Variants in PDS5B observed in about 807,000 individuals in gnomAD.
PDS5B encodes sister chromatid cohesion protein PDS5 homolog B.
In PDS5B, 51 loss-of-function variants were observed where a neutral mutation model predicts 184.1. The ratio of observed to expected loss-of-function variants is 0.28; its 90% confidence interval spans 0.22 to 0.35. The LOEUF is 0.35. PDS5B is among the 10% of genes least tolerant of loss of function. The pLI, the probability that PDS5B is intolerant of heterozygous loss-of-function variation, is 1.00. For missense variants in PDS5B, 1,180 were observed against 1,723.3 expected, an observed-to-expected ratio of 0.68 and a Z score of 5.58; for synonymous variants, 566 against 569.2, an observed-to-expected ratio of 0.99 and a Z score of 0.08.
chr13:32,701,206 AGTTT>A, intron 16 of PDS5B, 113 bp from the exon 17 acceptor site: 2 of 567,844 alleles, frequency 3.5e-6, no homozygotes, highest in Middle Eastern at 4.7e-4. Flanking sequence ...CAATTCTTAC[AGTTT>A]GTTTATTCCA....
intron 1 of PDS5B, among the ~76,000 whole-genome samples, chr13:32,629,553 G>C (rs2058423888): frequency 6.6e-6 from 1 of 152,158 alleles, no homozygotes; most frequent in Non-Finnish European, 1.5e-5. Flanking sequence ...TGACCCATTA[G>C]GTTTCAGCGA....
intron 20 of PDS5B, 21 bp downstream of exon 20, chr13:32,732,245 T>G (rs780732845): frequency 6.4e-7 from 1 of 1,565,426 alleles, no homozygotes; most frequent in Non-Finnish European, 8.8e-7. Flanking sequence ...AAAAATTTTC[T>G]TGTTTATTTC....
chr13:32,665,498 A>G (rs949585648), intron 6 of PDS5B, among the ~76,000 whole-genome samples: 20 of 143,098 alleles, frequency 1.4e-4, no homozygotes, highest in African/African-American at 5.0e-4. Flanking sequence ...CTGAGGCAGG[A>G]GAATGGTGTG....
At chr13:32,662,965 A>G (rs1267463233) in intron 6 of PDS5B, among the ~76,000 whole-genome samples, 2 of 152,170 alleles carry the variant, frequency 1.3e-5, no homozygotes, top group Non-Finnish European at 2.9e-5. Flanking sequence ...TTATGCTAAC[A>G]TATTTGAAAT....
intron 24 of PDS5B, among the ~76,000 whole-genome samples, chr13:32,749,231 T>A (rs1018998164): frequency 6.6e-6 from 1 of 152,200 alleles, no homozygotes; most frequent in Admixed American, 6.5e-5. Context: ...TAATTTTCTC[T>A]TTACTCTCCC....
intron 1 of PDS5B, among the ~76,000 whole-genome samples, chr13:32,643,953 C>T (rs1358461040): frequency 6.6e-6 from 1 of 152,060 alleles, no homozygotes; most frequent in East Asian, 1.9e-4. Flanking sequence ...TTGTAGATTC[C>T]TTTGGCATCT....
At chr13:32,629,990 T>C (rs970044769) in intron 1 of PDS5B, among the ~76,000 whole-genome samples, 1 of 152,214 alleles carries the variant, frequency 6.6e-6, no homozygotes, top group African/African-American at 2.4e-5. Flanking sequence ...AGAAAGAAGA[T>C]ACCCAATTGC....
chr13:32,640,642 T>C (rs530723895), intron 1 of PDS5B, among the ~76,000 whole-genome samples: 2 of 152,312 alleles, frequency 1.3e-5, no homozygotes, highest in South Asian at 4.1e-4. Context: ...CTGAATTGTT[T>C]TCTGAAAATG....
At chr13:32,670,068 C>T (rs1950893714) in intron 7 of PDS5B, among the ~76,000 whole-genome samples, 1 of 152,188 alleles carries the variant, frequency 6.6e-6, no homozygotes, top group African/African-American at 2.4e-5. Flanking sequence ...GAGTAAGATA[C>T]TGAGATAATA....
At chr13:32,590,791 A>G (rs1048951375) in intron 1 of PDS5B, among the ~76,000 whole-genome samples, 3 of 152,092 alleles carry the variant, frequency 2.0e-5, no homozygotes, top group African/African-American at 7.2e-5. Context: ...TAGCTTTCAG[A>G]TATGGGATGC....
intron 1 of PDS5B, among the ~76,000 whole-genome samples, chr13:32,643,760 C>CTA (rs1177051588): frequency 6.6e-6 from 1 of 152,110 alleles, no homozygotes; most frequent in African/African-American, 2.4e-5. Flanking sequence ...ATGTAGTAGT[C>CTA]TGTTCCATTT....
chr13:32,639,388 G>A lies in PDS5B; in HGVS notation c.-19-9366G>A, dbSNP rs865840358. Among the ~76,000 whole-genome samples, 5 of 152,088 alleles carry A rather than the reference G, an allele frequency of 3.3e-5. No individual in the cohort carries two copies. In the South Asian group the frequency reaches 6.2e-4, roughly 19 times the overall value. On this transcript the variant is annotated intron_variant, in intron 1 of 34. Coordinates refer to ENST00000315596, the MANE Select transcript of PDS5B (RefSeq NM_015032.4). ...AAAAGAACTTCCTAAAGTATTCACC[G>A]TCACTGTTTTACCAGAACAAATAAG...
Position 32,612,906 on chromosome 13 carries a change from A to G in PDS5B, c.-20+26313A>G, listed in dbSNP as rs962113072. Among the ~76,000 whole-genome samples, 14 of 152,198 alleles carry G rather than the reference A, an allele frequency of 9.2e-5. No homozygotes were observed. In the East Asian group the frequency reaches 1.2e-3, roughly 13 times the overall value. On this transcript the variant is annotated intron_variant, in intron 1 of 34. Transcript: ENST00000315596. ...ACCCAGACTGTGGTATTCTGTTACA[A>G]CAGGACAAAATCGACACCCCTCAAC...
At chr13:32,701,596 GCACA>G (rs34184885) in intron 17 of PDS5B, among the ~76,000 whole-genome samples, 158 bp downstream of exon 17, 58 of 142,146 alleles carry the variant, frequency 4.1e-4, no homozygotes, top group African/African-American at 1.5e-3. Flanking sequence ...ATTTGTATAT[GCACA>G]CACACACACA....
chr13:32,724,566 AGG>A (rs1952833428), intron 19 of PDS5B, among the ~76,000 whole-genome samples: 1 of 151,726 alleles, frequency 6.6e-6, no homozygotes, highest in South Asian at 2.1e-4. Flanking sequence ...ATAATTTGAT[AGG>A]TTCTTCTTTG....
intron 19 of PDS5B, among the ~76,000 whole-genome samples, chr13:32,728,676 C>T (rs571557111): frequency 6.6e-6 from 1 of 152,260 alleles, no homozygotes; most frequent in South Asian, 2.1e-4. Context: ...TTAATACTTC[C>T]ATGCGATAAG....
rs776878109 is a variant in PDS5B at position 32,655,617 on chromosome 13, C to G, written c.313-2622C>G. Among the ~76,000 whole-genome samples the G allele has an allele frequency of 2.0e-5, 3 of 151,596 alleles. No individual in the cohort carries two copies. The South Asian group carries it at 6.3e-4, about 32-fold the overall frequency. Reference sequence around the variant, plus strand: ...TGAACTCCTGACCTTGTGATCTGCCCGCCTTGGCCTCCCAAAGTACTGGGA... The same window carrying G: ...TGAACTCCTGACCTTGTGATCTGCCGGCCTTGGCCTCCCAAAGTACTGGGA... On this transcript the variant is annotated intron_variant, in intron 3 of 34. Coordinates refer to ENST00000315596, the MANE Select transcript of PDS5B (RefSeq NM_015032.4).
intron 19 of PDS5B, among the ~76,000 whole-genome samples, chr13:32,711,818 CATT>C (rs1394629078): frequency 1.3e-5 from 2 of 152,152 alleles, no homozygotes; most frequent in East Asian, 1.9e-4. Context: ...CATACCCACT[CATT>C]ATGTATAAAC....
At chr13:32,588,633 CT>C (rs1332609784) in intron 1 of PDS5B, among the ~76,000 whole-genome samples, 8 of 151,944 alleles carry the variant, frequency 5.3e-5, no homozygotes, top group Non-Finnish European at 1.0e-4. Context: ...TTTTGTTACT[CT>C]TGTAGGCTTT....
Sources: gnomAD v4.1 joint callset for allele counts (sites outside exome capture counted in the v4.1 genomes callset) on GRCh38, gnomAD v4.1.1 for gene constraint, MANE v1.5 for transcripts, NCBI Gene and HGNC (gene_info 2026-07-23, HGNC 2026-07-21) for gene names.